The following CDX4 variants were observed in gnomAD, a reference collection of about 807,000 sequenced individuals.
CDX4 encodes the protein homeobox protein CDX-4.
A neutral mutation model predicts 14.1 loss-of-function variants in CDX4; 11 were observed. The observed-to-expected ratio is 0.78, with a 90% CI of 0.49 to 1.29. The LOEUF is 1.29. Ranked by LOEUF, CDX4 falls within the 50% of genes most tolerant of loss-of-function variation. The pLI, the probability that CDX4 is intolerant of heterozygous loss-of-function variation, is 0.00. For synonymous variants in CDX4, 100 were observed against 93.5 expected (o/e 1.07, Z -0.40); for missense variants, 257 against 237.4 (o/e 1.08, Z -0.54).
At position 73,454,384 on chromosome X, in the gene CDX4, A is replaced by C. The variant is rs1312899852; in HGVS notation, c.654A>C (p.Lys218Asn). Residue 218 changes from lysine to asparagine, a missense_variant, in exon 3 of 3, where the codon AAA (lysine) becomes AAC (asparagine). By Grantham distance (94) the Lys-to-Asn change is moderately conservative (BLOSUM62 0). Coordinates refer to ENST00000373514, the MANE Select transcript of CDX4 (RefSeq NM_005193.2). ...GTTGCCCCATTGTGTTTCAGGTGAA[A>C]ATCTGGTTTCAGAATCGCAGAGCCA... The part of the protein sequence containing the change: ...VNLGLSERQV[K>N]IWFQNRRAKE... 1.7e-6 allele frequency: 2 copies of C among 1,198,010 alleles called. No individual in the cohort carries two copies. Among genetic ancestry groups the C allele is most frequent in the African/African-American group, 1.8e-5 (1 of 56,832 alleles).
chrX:73,451,047 C>A (rs763933782), intron 1 of CDX4, among the ~76,000 whole-genome samples: 41 of 111,460 alleles, frequency 3.7e-4, no homozygotes, highest in Non-Finnish European at 5.8e-4. Context: ...GAGGAGAAGG[C>A]AAATACATCA....
At chrX:73,448,621 C>A (rs1401627740) in intron 1 of CDX4, among the ~76,000 whole-genome samples, 1 of 112,355 alleles carries the variant, frequency 8.9e-6, no homozygotes, top group Non-Finnish European at 1.9e-5. Flanking sequence ...AAAGCGATCG[C>A]GATCACAGCC....
intron 1 of CDX4, 70 bp downstream of exon 1, chrX:73,447,825 C>G: frequency 1.8e-6 from 2 of 1,107,264 alleles, no homozygotes; most frequent in Non-Finnish European, 2.4e-6. Flanking sequence ...CTTGGTCGGC[C>G]TGCCCTCGTA....
chrX:73,447,553 C>T lies in CDX4; in HGVS notation c.300C>T (p.Asp100=), dbSNP rs1484694612. 3 of 1,211,360 alleles carry T rather than the reference C, an allele frequency of 2.5e-6. No individual in the cohort carries two copies. The highest frequency in any genetic ancestry group is 3.4e-6 in the Non-Finnish European group (3 of 895,223). Residue 100 remains aspartate (D), a synonymous_variant, in exon 1 of 3, where the codon GAC becomes GAT. Transcript: ENST00000373514. The part of the protein sequence containing the change: ...SSTMGTVPVN[D]VTSSPAAFCS... Reference sequence around the variant, plus strand: ...CAATGGGCACAGTGCCGGTGAACGACGTGACCTCTAGCCCCGCCGCTTTCT... The same window carrying T: ...CAATGGGCACAGTGCCGGTGAACGATGTGACCTCTAGCCCCGCCGCTTTCT...
In CDX4 at chrX:73,453,653, CGA is replaced by C; in HGVS notation, c.644_645del (p.Arg215ThrfsTer25). 1 of 1,202,063 alleles carries C rather than the reference CGA, an allele frequency of 8.3e-7. No homozygotes were observed. Among genetic ancestry groups the C allele is most frequent in the Non-Finnish European group, 1.1e-6 (1 of 888,977 alleles). On this transcript the variant is annotated frameshift_variant, in exon 2 of 3. Coordinates refer to ENST00000373514, the MANE Select transcript of CDX4 (RefSeq NM_005193.2). LOFTEE classifies it high-confidence loss of function. ...SELAVNLGLS[E>X]RQVKIWFQNR... is the part of the protein sequence containing the mutation. ...AGCTGGCAGTTAACCTGGGCCTTTC[CGA>C]GAGACAGGTACACCAGAAGTATATC...
chrX:73,448,931 G>A (rs1348469280), intron 1 of CDX4, among the ~76,000 whole-genome samples: 1 of 111,658 alleles, frequency 9.0e-6, no homozygotes, highest in Non-Finnish European at 1.9e-5. Context: ...CAGGAGGGTG[G>A]GAAGTGACCC....
Position 73,447,111 on chromosome X carries a change from G to A in CDX4, c.-143G>A. 1.6e-6 allele frequency: 1 copy of A among 625,850 alleles called. No homozygotes were observed. Among genetic ancestry groups the A allele is most frequent in the Admixed American group, 3.6e-5 (1 of 27,462 alleles). The allele number at this position is 625,850 out of a possible 1,213,427, so 51.6% of individuals were successfully genotyped here. ...CCTGGATACCCTCGTAAGAAACGTG[G>A]GATGGAGTAGCCTGAGGGGTGCAAA... On this transcript the variant is annotated 5_prime_UTR_variant, in exon 1 of 3. Coordinates refer to ENST00000373514, the MANE Select transcript of CDX4 (RefSeq NM_005193.2).
At chrX:73,451,741 A>T (rs1485972852) in intron 1 of CDX4, among the ~76,000 whole-genome samples, 1 of 112,282 alleles carries the variant, frequency 8.9e-6, no homozygotes. Flanking sequence ...ATTTTTAACC[A>T]GTCTGCCTCA....
intron 2 of CDX4, among the ~76,000 whole-genome samples, chrX:73,454,111 G>A (rs1002110260): frequency 2.7e-5 from 3 of 111,375 alleles, no homozygotes; most frequent in African/African-American, 9.8e-5. Context: ...TGCAACAGAG[G>A]AGGTGGGTAA....
rs779626316 is a variant in CDX4, at chrX:73,454,438, C to A, written c.708C>A (p.Ile236=). ...AKERKMIKKK[I]SQFENSGGSV... ...AGAGAAAGATGATCAAAAAGAAAATCTCCCAGTTTGAGAATAGTGGAGGCT... is the reference window on the plus strand; with the variant it reads ...AGAGAAAGATGATCAAAAAGAAAATATCCCAGTTTGAGAATAGTGGAGGCT... Residue 236 remains isoleucine (I), a synonymous_variant, in exon 3 of 3, where the codon ATC becomes ATA. Coordinates refer to ENST00000373514, the MANE Select transcript of CDX4 (RefSeq NM_005193.2). 4 of 1,208,923 alleles carry A rather than the reference C, an allele frequency of 3.3e-6. No homozygotes were observed. Among genetic ancestry groups the A allele is most frequent in the Non-Finnish European group, 4.5e-6 (4 of 893,480 alleles).
intron 1 of CDX4, among the ~76,000 whole-genome samples, chrX:73,452,546 C>T (rs1048450467): frequency 3.6e-5 from 4 of 111,346 alleles, no homozygotes; most frequent in African/African-American, 6.5e-5. Flanking sequence ...TGTTGTAACA[C>T]AAAGCAAATG....
At chrX:73,449,111 A>G (rs867471249) in intron 1 of CDX4, among the ~76,000 whole-genome samples, 6 of 111,793 alleles carry the variant, frequency 5.4e-5, no homozygotes, top group African/African-American at 2.0e-4. Context: ...GACTAAGTAG[A>G]ATAGAAAAAG....
chrX:73,448,493 G>A (rs2057077970), intron 1 of CDX4, among the ~76,000 whole-genome samples: 1 of 112,262 alleles, frequency 8.9e-6, no homozygotes, highest in South Asian at 3.7e-4. Context: ...ACACCCGCCC[G>A]ACACGCAAAC....
rs1321126783 is a variant in CDX4, at chrX:73,454,778, C to T, written c.*193C>T. The T allele has an allele frequency of 3.4e-5, 14 of 411,241 alleles. No homozygotes were observed. Among genetic ancestry groups the T allele is most frequent in the Admixed American group, 8.9e-5 (2 of 22,555 alleles). 33.9% of individuals were successfully genotyped at this position (411,241 alleles called of 1,213,427 possible). ...AACTATCCCCAGAAAACTCCTGTCA[C>T]GTGCTGTGCTATATGTCAGTCACTC... On this transcript the variant is annotated 3_prime_UTR_variant, in exon 3 of 3. Transcript: ENST00000373514.
intron 1 of CDX4, among the ~76,000 whole-genome samples, chrX:73,450,256 CAGAT>C (rs1569494205): frequency 1.8e-5 from 2 of 111,941 alleles, no homozygotes; most frequent in African/African-American, 3.2e-5. Flanking sequence ...AGGAGGCTGA[CAGAT>C]AGAGTAAATG....
At chrX:73,452,580 T>C (rs1039829116) in intron 1 of CDX4, among the ~76,000 whole-genome samples, 2 of 111,530 alleles carry the variant, frequency 1.8e-5, no homozygotes, top group African/African-American at 3.3e-5. Flanking sequence ...TCAAAGGGCA[T>C]GGAATACTCA....
At chrX:73,453,806 T>C (rs2057097542) in intron 2 of CDX4, 144 bp downstream of exon 2, 4 of 434,308 alleles carry the variant, frequency 9.2e-6, no homozygotes, top group Non-Finnish European at 1.6e-5. Flanking sequence ...GATATCGCTC[T>C]CTTCTATCTC....
At chrX:73,450,598 T>C (rs1175353189) in intron 1 of CDX4, among the ~76,000 whole-genome samples, 1 of 111,699 alleles carries the variant, frequency 9.0e-6, no homozygotes, top group Non-Finnish European at 1.9e-5. Context: ...AAGGCATTAT[T>C]CAATAAGGAC....
chrX:73,453,651 T>C lies in CDX4; in HGVS notation c.637T>C (p.Ser213Pro). 1 of 1,203,491 alleles carries C rather than the reference T, an allele frequency of 8.3e-7. No individual in the cohort carries two copies. Among genetic ancestry groups the C allele is most frequent in the South Asian group, 1.8e-5 (1 of 56,113 alleles). Residue 213 changes from serine to proline, a missense_variant, in exon 2 of 3, where the codon TCC (serine) becomes CCC (proline). Transcript: ENST00000373514. ...KSELAVNLGL[S>P]ERQVKIWFQN... ...AGAGCTGGCAGTTAACCTGGGCCTT[T>C]CCGAGAGACAGGTACACCAGAAGTA...
Sources: allele counts gnomAD v4.1 joint callset (sites outside exome capture counted in the v4.1 genomes callset), GRCh38; gene constraint gnomAD v4.1.1; transcripts MANE v1.5; gene names NCBI Gene and HGNC (gene_info 2026-07-23, HGNC 2026-07-21).